Variants in CAMTA1 observed in about 807,000 individuals in gnomAD.
CAMTA1 encodes the protein calmodulin-binding transcription activator 1.
In CAMTA1, 27 loss-of-function variants were observed where a neutral mutation model predicts 170.9. That is an observed-to-expected ratio of 0.16 (90% CI 0.12 to 0.22). The LOEUF is 0.22. Among genes scored for constraint, CAMTA1 ranks in the 10% least tolerant of loss-of-function variants. CAMTA1 has a pLI of 1.00. For synonymous variants in CAMTA1, 833 were observed against 891.5 expected, an observed-to-expected ratio of 0.93 and a Z score of 1.17; for missense variants, 1,619 against 2,217.2, an observed-to-expected ratio of 0.73 and a Z score of 5.42.
intron 3 of CAMTA1, among the ~76,000 whole-genome samples, chr1:6,867,988 T>C (rs1036021063): frequency 6.6e-6 from 1 of 152,118 alleles, no homozygotes; most frequent in Non-Finnish European, 1.5e-5. Context: ...TAATTTTTTG[T>C]GGAGATGGGA....
intron 4 of CAMTA1, among the ~76,000 whole-genome samples, chr1:7,212,516 C>T (rs763320208): frequency 6.6e-6 from 1 of 152,170 alleles, no homozygotes; most frequent in Non-Finnish European, 1.5e-5. Flanking sequence ...CTCCTTTGCA[C>T]ATTGCATTTT....
intron 3 of CAMTA1, among the ~76,000 whole-genome samples, chr1:6,912,261 T>G (rs920882094): frequency 3.7e-4 from 57 of 152,330 alleles, no homozygotes; most frequent in African/African-American, 1.3e-3. Context: ...GCTGTAACCC[T>G]GAAGGTCAAG....
chr1:7,612,628 A>G (rs376053113), intron 6 of CAMTA1, among the ~76,000 whole-genome samples: 5 of 152,244 alleles, frequency 3.3e-5, no homozygotes, highest in African/African-American at 1.2e-4. Flanking sequence ...TCCTGTCCGT[A>G]TCACCACTCC....
intron 3 of CAMTA1, among the ~76,000 whole-genome samples, chr1:7,080,196 G>A (rs948730064): frequency 6.6e-6 from 1 of 152,180 alleles, no homozygotes; most frequent in Non-Finnish European, 1.5e-5. Context: ...GAGGCACAGA[G>A]CTATCATGTG....
intron 5 of CAMTA1, among the ~76,000 whole-genome samples, chr1:7,453,124 C>G (rs533438949): frequency 6.6e-6 from 1 of 152,200 alleles, no homozygotes; most frequent in Admixed American, 6.5e-5. Context: ...TTGGAGAGTC[C>G]GAGCTCCCAG....
At chr1:6,885,279 G>T (rs149355224) in intron 3 of CAMTA1, among the ~76,000 whole-genome samples, 24 of 152,192 alleles carry the variant, frequency 1.6e-4, no homozygotes, top group African/African-American at 5.3e-4. Flanking sequence ...AAAAATATTA[G>T]CTTTTTAAAG....
chr1:7,092,039 C>G lies in CAMTA1; in HGVS notation c.302+668C>G, dbSNP rs1641534283. Among the ~76,000 whole-genome samples, 1 of 152,196 alleles carries G rather than the reference C, an allele frequency of 6.6e-6. No homozygotes were observed. Among genetic ancestry groups the G allele is most frequent in the Non-Finnish European group, 1.5e-5 (1 of 68,034 alleles). ...CAGCCTCTTTTGGTCCTCCCCAACT[C>G]TAGGTTTTTATTTTTGGAATGTTAC... On this transcript the variant is annotated intron_variant, in intron 4 of 22. Coordinates refer to ENST00000303635, the MANE Select transcript of CAMTA1 (RefSeq NM_015215.4). This position sits in a 1 kb window ranked among gnomAD's most constrained non-coding sequence, Gnocchi z 5.0.
chr1:7,744,960 A>G lies in CAMTA1; in HGVS notation c.4308A>G (p.Thr1436=), dbSNP rs764202850. The G allele has an allele frequency of 6.2e-7, 1 of 1,614,152 alleles. No homozygotes were observed. The highest frequency in any genetic ancestry group is 8.5e-7 in the Non-Finnish European group (1 of 1,180,030). The change falls in exon 17 of 23, where the codon ACA becomes ACG. Residue 1436 remains threonine (T), a synonymous_variant. Transcript: ENST00000303635. ...CAGACCCTGCCACCATTAGCAGTACAATGAGCTGGCTGGCCAGTTATCTAG... is the reference window on the plus strand; with the variant it reads ...CAGACCCTGCCACCATTAGCAGTACGATGAGCTGGCTGGCCAGTTATCTAG... ...ERTDPATISS[T]MSWLASYLAD...
At chr1:6,942,801 C>G (rs993600309) in intron 3 of CAMTA1, among the ~76,000 whole-genome samples, 4 of 152,264 alleles carry the variant, frequency 2.6e-5, no homozygotes, top group African/African-American at 9.6e-5. Context: ...CCCTGTACCC[C>G]TGTGAGGCCA....
chr1:7,375,921 G>A (rs1011206952), intron 5 of CAMTA1, among the ~76,000 whole-genome samples: 5 of 152,172 alleles, frequency 3.3e-5, no homozygotes, highest in Admixed American at 6.5e-5. Flanking sequence ...AGGAAGCAGC[G>A]GACTGGGGCA....
intron 5 of CAMTA1, among the ~76,000 whole-genome samples, chr1:7,274,286 T>C (rs1049738088): frequency 2.6e-5 from 4 of 152,070 alleles, no homozygotes; most frequent in African/African-American, 7.2e-5. Flanking sequence ...GTGCAAATAC[T>C]AACCATAAGA....
intron 3 of CAMTA1, among the ~76,000 whole-genome samples, chr1:6,880,187 G>C (rs1671108058): frequency 6.6e-6 from 1 of 151,748 alleles, no homozygotes. Context: ...CAAATGCCTA[G>C]GCTTGCCTCT....
chr1:7,713,984 G>C (rs1011117350), intron 11 of CAMTA1, among the ~76,000 whole-genome samples: 29 of 152,262 alleles, frequency 1.9e-4, no homozygotes, highest in African/African-American at 6.7e-4. Flanking sequence ...TTATGAACAG[G>C]GGCTGGGCAG....
chr1:7,571,645 T>C (rs999179635), intron 6 of CAMTA1, among the ~76,000 whole-genome samples: 1 of 152,078 alleles, frequency 6.6e-6, no homozygotes, highest in Non-Finnish European at 1.5e-5. Flanking sequence ...GCTCTATCCA[T>C]GTTGCTGCAA....
chr1:7,572,673 G>A (rs1296069087), intron 6 of CAMTA1, among the ~76,000 whole-genome samples: 1 of 152,164 alleles, frequency 6.6e-6, no homozygotes, highest in Non-Finnish European at 1.5e-5. Context: ...TCCCATTCAT[G>A]TGAGCTCCAT....
At chr1:6,841,626 G>T (rs912367950) in intron 3 of CAMTA1, among the ~76,000 whole-genome samples, 1 of 152,152 alleles carries the variant, frequency 6.6e-6, no homozygotes, top group Non-Finnish European at 1.5e-5. Context: ...CAAAGGAAAA[G>T]CACAGAGGAC....
chr1:7,295,505 T>A (rs1252429428), intron 5 of CAMTA1, among the ~76,000 whole-genome samples: 1 of 152,220 alleles, frequency 6.6e-6, no homozygotes, highest in African/African-American at 2.4e-5. Context: ...TAAAACAGAC[T>A]GATTGGATAG....
rs776737986 is a variant in CAMTA1 at position 7,462,773 on chromosome 1, G to A, written c.439-5057G>A. ...GACCTAGTAACCCCCGAGGCCACCC[G>A]GCTCTCAAAGCTGGACACATCTGCT... On this transcript the variant is annotated intron_variant, in intron 5 of 22. Coordinates refer to ENST00000303635, the MANE Select transcript of CAMTA1 (RefSeq NM_015215.4). Among the ~76,000 whole-genome samples, 24 of 152,194 alleles carry A rather than the reference G, an allele frequency of 1.6e-4. 1 individual carries two copies. The highest frequency in any genetic ancestry group is 3.1e-4 in the Non-Finnish European group (21 of 68,016).
intron 3 of CAMTA1, among the ~76,000 whole-genome samples, chr1:6,858,489 G>C (rs1043513592): frequency 6.8e-6 from 1 of 146,408 alleles, no homozygotes. Flanking sequence ...TGTGTGTTGG[G>C]GGGGGGGTGT....
Sources: allele counts gnomAD v4.1 joint callset (sites outside exome capture counted in the v4.1 genomes callset), GRCh38; gene constraint gnomAD v4.1.1; non-coding constraint Gnocchi (gnomAD v3.1); transcripts MANE v1.5; gene names NCBI Gene and HGNC (gene_info 2026-07-23, HGNC 2026-07-21).